SYT16: variants seen among roughly 807,000 people sequenced by gnomAD.
The protein encoded by SYT16 is synaptotagmin 16, also known as synaptotagmin-16.
SYT16 carries 42 observed loss-of-function variants against 61.4 expected under a neutral mutation model. The ratio of observed to expected loss-of-function variants is 0.68; its 90% confidence interval spans 0.53 to 0.89. SYT16 has a LOEUF of 0.89. SYT16 is among the 40% of genes least tolerant of loss of function. The pLI is 0.00. For synonymous variants in SYT16, 314 were observed against 302.3 expected (o/e 1.04, Z -0.40); for missense variants, 804 against 807.3 (o/e 1.00, Z 0.05).
At chr14:61,946,580 T>C (rs926932594) in intron 1 of SYT16, among the ~76,000 whole-genome samples, 12 of 152,186 alleles carry the variant, frequency 7.9e-5, no homozygotes. Context: ...TCTCAGGTAC[T>C]GTTTTCTGTT....
At chr14:61,851,849 A>G (rs566711489) in intron 1 of SYT16, among the ~76,000 whole-genome samples, 3 of 152,252 alleles carry the variant, frequency 2.0e-5, no homozygotes, top group South Asian at 2.1e-4. Flanking sequence ...ATTTTCTTCC[A>G]TTCTGTAGCT....
At chr14:61,834,715 A>T (rs1594723101) in intron 1 of SYT16, among the ~76,000 whole-genome samples, 1 of 151,988 alleles carries the variant, frequency 6.6e-6, no homozygotes, top group South Asian at 2.1e-4. Flanking sequence ...GAGATTACAG[A>T]CATGAGCCAC....
At position 61,849,394 on chromosome 14, in the gene SYT16, T is replaced by C. The variant is rs117175495; in HGVS notation, c.-325+36584T>C. Among the ~76,000 whole-genome samples, 741 of 152,208 alleles carry C rather than the reference T, an allele frequency of 4.9e-3. 6 individuals carry two copies. Among genetic ancestry groups the C allele is most frequent in the Non-Finnish European group, 8.4e-3 (568 of 67,992 alleles). ...GCCCAGCACAGCATTAGGATTTGCT[T>C]AGGAGTTGCAGTCGTTGTGGCATAG... On this transcript the variant is annotated intron_variant, in intron 1 of 7. Transcript: ENST00000683842.
At chr14:61,838,890 G>C (rs184271193) in intron 1 of SYT16, among the ~76,000 whole-genome samples, 1 of 152,158 alleles carries the variant, frequency 6.6e-6, no homozygotes, top group South Asian at 2.1e-4. Flanking sequence ...CAGGCCTAAG[G>C]CTTCTGCAGC....
intron 1 of SYT16, among the ~76,000 whole-genome samples, chr14:61,918,304 A>C (rs1245849409): frequency 6.6e-6 from 1 of 152,136 alleles, no homozygotes; most frequent in Non-Finnish European, 1.5e-5. Flanking sequence ...ATATGGGCGG[A>C]AATATGGCAT....
intron 1 of SYT16, among the ~76,000 whole-genome samples, chr14:61,843,703 T>G (rs1286564881): frequency 2.0e-5 from 3 of 152,198 alleles, no homozygotes; most frequent in Non-Finnish European, 4.4e-5. Context: ...TTGTCCAAAA[T>G]GAGTTCACAA....
chr14:61,846,615 C>T (rs1053083667), intron 1 of SYT16, among the ~76,000 whole-genome samples: 1 of 152,116 alleles, frequency 6.6e-6, no homozygotes, highest in African/African-American at 2.4e-5. Flanking sequence ...ATCCATTCTG[C>T]CAGCCTGCAT....
intron 3 of SYT16, among the ~76,000 whole-genome samples, chr14:62,005,148 A>G (rs184102167): frequency 6.2e-4 from 94 of 152,262 alleles, no homozygotes; most frequent in African/African-American, 1.9e-3. Context: ...TAGGTTCCCT[A>G]TGTGGCCTTG....
intron 1 of SYT16, among the ~76,000 whole-genome samples, chr14:61,884,983 C>T (rs1448051950): frequency 2.0e-5 from 3 of 152,118 alleles, no homozygotes; most frequent in Admixed American, 6.5e-5. Flanking sequence ...GGGCCATAAA[C>T]GTAATGGAAT....
chr14:61,821,436 G>T (rs1359857692), intron 1 of SYT16, among the ~76,000 whole-genome samples: 3 of 152,160 alleles, frequency 2.0e-5, no homozygotes, highest in Admixed American at 6.5e-5. Context: ...TCAGGAGTTT[G>T]CTGGCTGCAA....
At chr14:61,859,223 C>T (rs905489426) in intron 1 of SYT16, among the ~76,000 whole-genome samples, 1 of 152,122 alleles carries the variant, frequency 6.6e-6, no homozygotes, top group African/African-American at 2.4e-5. Flanking sequence ...AGACAGCCAA[C>T]CTGGGAGCTT....
At chr14:61,954,564 A>G (rs1426436697) in intron 1 of SYT16, among the ~76,000 whole-genome samples, 1 of 152,194 alleles carries the variant, frequency 6.6e-6, no homozygotes, top group Non-Finnish European at 1.5e-5. Flanking sequence ...AATTACTGGA[A>G]TAATTAGACG....
At chr14:61,858,194 T>C (rs1382204534) in intron 1 of SYT16, among the ~76,000 whole-genome samples, 1 of 97,000 alleles carries the variant, frequency 1.0e-5, no homozygotes, top group East Asian at 3.0e-4. Flanking sequence ...CAAGGTGCAA[T>C]AACTAAGAGA....
chr14:61,847,968 C>T (rs1186503514), intron 1 of SYT16, among the ~76,000 whole-genome samples: 1 of 152,160 alleles, frequency 6.6e-6, no homozygotes, highest in Non-Finnish European at 1.5e-5. Flanking sequence ...TTCGTGTTAT[C>T]TTGAATTTCA....
At chr14:61,928,799 G>A (rs926602731) in intron 1 of SYT16, among the ~76,000 whole-genome samples, 33 of 151,972 alleles carry the variant, frequency 2.2e-4, no homozygotes, top group Admixed American at 1.8e-3. Context: ...TTGAGGCTAG[G>A]GCATAACACA....
At chr14:61,988,419 G>A (rs1441079035) in intron 2 of SYT16, among the ~76,000 whole-genome samples, 3 of 152,160 alleles carry the variant, frequency 2.0e-5, no homozygotes, top group East Asian at 3.8e-4. Flanking sequence ...CTGAGTATTT[G>A]CGGAACATGT....
chr14:61,831,316 A>C (rs2045929130), intron 1 of SYT16, among the ~76,000 whole-genome samples: 1 of 152,204 alleles, frequency 6.6e-6, no homozygotes, highest in African/African-American at 2.4e-5. Context: ...GAGTCCCTTC[A>C]ACATTTTAAT....
At chr14:62,077,414 C>A (rs779188981) in intron 5 of SYT16, among the ~76,000 whole-genome samples, 1 of 152,190 alleles carries the variant, frequency 6.6e-6, no homozygotes, top group Admixed American at 6.5e-5. Flanking sequence ...TCTCTGCTGG[C>A]GAAGGCCTTT....
intron 3 of SYT16, among the ~76,000 whole-genome samples, chr14:62,016,764 A>G (rs1220585185): frequency 6.6e-6 from 1 of 152,092 alleles, no homozygotes; most frequent in South Asian, 2.1e-4. Flanking sequence ...GATTCTTGTC[A>G]AATTATTTGA....
Sources: gnomAD v4.1 joint callset for allele counts (sites outside exome capture counted in the v4.1 genomes callset) on GRCh38, gnomAD v4.1.1 for gene constraint, MANE v1.5 for transcripts, NCBI Gene and HGNC (gene_info 2026-07-23, HGNC 2026-07-21) for gene names.